The following ZBTB20 variants were observed in gnomAD, a reference collection of about 807,000 sequenced individuals.
The protein encoded by ZBTB20 is zinc finger and BTB domain-containing protein 20.
A neutral mutation model predicts 56.9 loss-of-function variants in ZBTB20; 9 were observed. The ratio of observed to expected loss-of-function variants is 0.16; its 90% CI spans 0.10 to 0.28. The LOEUF (loss-of-function observed/expected upper bound fraction) is 0.28. Among genes scored for constraint, ZBTB20 ranks in the 10% least tolerant of loss-of-function variants. ZBTB20 has a pLI of 1.00. For missense variants in ZBTB20, 655 were observed against 1,003.0 expected, an observed-to-expected ratio of 0.65 and a Z score of 4.69; for synonymous variants, 417 against 420.7, an observed-to-expected ratio of 0.99 and a Z score of 0.11.
intron 11 of ZBTB20, among the ~76,000 whole-genome samples, chr3:114,341,186 A>G (rs2108100325): frequency 6.6e-6 from 1 of 152,214 alleles, no homozygotes; most frequent in East Asian, 1.9e-4. Flanking sequence ...TTAAAACAGG[A>G]AAGGTTAGGG....
intron 7 of ZBTB20, among the ~76,000 whole-genome samples, chr3:114,462,736 A>G (rs2092386426): frequency 6.6e-6 from 1 of 152,228 alleles, no homozygotes; most frequent in Admixed American, 6.5e-5. Flanking sequence ...CAACCAGATT[A>G]GACACAACTA....
At chr3:114,725,808 C>T (rs2065234057) in intron 5 of ZBTB20, among the ~76,000 whole-genome samples, 1 of 152,094 alleles carries the variant, frequency 6.6e-6, no homozygotes, top group Non-Finnish European at 1.5e-5. Context: ...GAAAATAAGG[C>T]ATCAACATGA....
chr3:114,423,823 T>C (rs559985096), intron 7 of ZBTB20, among the ~76,000 whole-genome samples: 1 of 152,294 alleles, frequency 6.6e-6, no homozygotes, highest in African/African-American at 2.4e-5. Context: ...TTCTAGGCTT[T>C]GGCATCTCAT....
At chr3:114,709,954 T>C (rs563204063) in intron 5 of ZBTB20, among the ~76,000 whole-genome samples, 2 of 152,308 alleles carry the variant, frequency 1.3e-5, no homozygotes, top group African/African-American at 4.8e-5. Flanking sequence ...CCTTACTACC[T>C]GTTTAAATCT....
At chr3:114,639,936 T>A (rs1321298876) in intron 6 of ZBTB20, among the ~76,000 whole-genome samples, 1 of 152,090 alleles carries the variant, frequency 6.6e-6, no homozygotes, top group African/African-American at 2.4e-5. Flanking sequence ...ATTATAAAGA[T>A]ATTCTAAGAT....
rs1031870772 is a variant in ZBTB20, at chr3:114,328,291, G to A, written c.*10714C>T. ...CTAATTTTTCCTACAATGTGTTCAA[G>A]TGGATGTGGCTTTTCTTGTTTGAGA... On this transcript the variant is annotated 3_prime_UTR_variant, in exon 12 of 12. Transcript: ENST00000675478. 6.6e-6 allele frequency: 1 copy of A among 151,986 alleles called. No individual in the cohort carries two copies. The highest frequency in any genetic ancestry group is 1.5e-5 in the Non-Finnish European group (1 of 67,996). 9.4% of individuals were successfully genotyped at this position (151,986 alleles called of 1,614,324 possible). A position where few individuals can be genotyped will look rare whatever the true frequency, so the allele number is the denominator to read the frequency against.
At chr3:114,436,629 G>C (rs977930947) in intron 7 of ZBTB20, among the ~76,000 whole-genome samples, 2 of 152,158 alleles carry the variant, frequency 1.3e-5, no homozygotes, top group African/African-American at 4.8e-5. Context: ...GTAATATTGT[G>C]TTATATTTTC....
intron 3 of ZBTB20, among the ~76,000 whole-genome samples, chr3:114,951,514 G>T (rs2077066927): frequency 6.6e-6 from 1 of 152,050 alleles, no homozygotes; most frequent in Non-Finnish European, 1.5e-5. Context: ...GAAATTAACA[G>T]ATAGACCAAT....
chr3:114,825,530 G>A (rs1299523963), intron 4 of ZBTB20, among the ~76,000 whole-genome samples: 1 of 151,876 alleles, frequency 6.6e-6, no homozygotes, highest in Non-Finnish European at 1.5e-5. Flanking sequence ...GGGAGACCAT[G>A]CAGCCTCTTT....
At chr3:115,056,388 T>C (rs2081783164) in intron 2 of ZBTB20, among the ~76,000 whole-genome samples, 1 of 152,094 alleles carries the variant, frequency 6.6e-6, no homozygotes. Context: ...TGGCAATATG[T>C]ATCATAACCT....
chr3:114,929,739 T>C (rs990628461), intron 3 of ZBTB20, among the ~76,000 whole-genome samples: 3 of 152,202 alleles, frequency 2.0e-5, no homozygotes, highest in African/African-American at 7.2e-5. Flanking sequence ...TGTGAAATGT[T>C]TGGAATTGGG....
rs183476768 is a variant in ZBTB20 at position 114,601,634 on chromosome 3, A to C, written c.-295+91894T>G. ...ACAGATAATAGATAAATAGCTAGATAAAACAGAGATGAGTTATGGCCTAAA... is the reference window on the plus strand; with the variant it reads ...ACAGATAATAGATAAATAGCTAGATCAAACAGAGATGAGTTATGGCCTAAA... On this transcript the variant is annotated intron_variant, in intron 6 of 11. Coordinates refer to ENST00000675478, the MANE Select transcript of ZBTB20 (RefSeq NM_001348800.3). 3.9e-5 allele frequency among the ~76,000 whole-genome samples: 6 copies of C among 152,194 alleles called. No individual in the cohort carries two copies. The East Asian group carries it at 1.2e-3, about 29-fold the overall frequency.
intron 1 of ZBTB20, among the ~76,000 whole-genome samples, chr3:115,075,205 T>A (rs2082552697): frequency 6.6e-6 from 1 of 152,144 alleles, no homozygotes; most frequent in South Asian, 2.1e-4. Context: ...ACAGGTACAA[T>A]GCTATACAGA....
intron 7 of ZBTB20, among the ~76,000 whole-genome samples, chr3:114,484,298 AT>A (rs2041868605): frequency 6.6e-6 from 1 of 152,184 alleles, no homozygotes; most frequent in Non-Finnish European, 1.5e-5. Context: ...CACCAACGTA[AT>A]AAAAGCAAGT....
In ZBTB20 at chr3:114,714,112, C is replaced by A. The variant is rs550729122; in HGVS notation, c.-342-20537G>T. 321 of 152,622 alleles carry A rather than the reference C, an allele frequency of 2.1e-3. No homozygotes were observed. Among genetic ancestry groups the A allele is most frequent in the Non-Finnish European group, 3.6e-3 (244 of 67,990 alleles). 9.5% of individuals were successfully genotyped at this position (152,622 alleles called of 1,614,324 possible). A position where few individuals can be genotyped will look rare whatever the true frequency, so the allele number is the denominator to read the frequency against. ...TACTACTATATCCGTCTGCTTTTTG[C>A]AGGAAAGGAAAGCTATCATCCTAGA... On this transcript the variant is annotated intron_variant, in intron 5 of 11. Coordinates refer to ENST00000675478, the MANE Select transcript of ZBTB20 (RefSeq NM_001348800.3).
chr3:114,679,545 A>T (rs953750461), intron 6 of ZBTB20, among the ~76,000 whole-genome samples: 17 of 152,266 alleles, frequency 1.1e-4, no homozygotes, highest in African/African-American at 3.9e-4. Context: ...CCTCATCATC[A>T]CTGGTCAATA....
intron 5 of ZBTB20, among the ~76,000 whole-genome samples, chr3:114,747,927 A>AAAC (rs1459827086): frequency 0.068 from 123 of 1,802 alleles, 37 homozygotes; most frequent in Non-Finnish European, 0.5. Flanking sequence ...AAAAAAAAAA[A>AAAC]AAAAAAAAAA....
At chr3:114,370,982 C>T (rs562551846) in intron 10 of ZBTB20, among the ~76,000 whole-genome samples, 39 of 152,186 alleles carry the variant, frequency 2.6e-4, no homozygotes, top group Non-Finnish European at 5.3e-4. Flanking sequence ...CTCCTATTAC[C>T]GCCCCCTTCA....
intron 3 of ZBTB20, among the ~76,000 whole-genome samples, chr3:114,922,436 GA>G (rs200682311): frequency 4.7e-5 from 7 of 149,972 alleles, no homozygotes; most frequent in African/African-American, 1.2e-4. Flanking sequence ...AGCAAAAAAA[GA>G]AAAAAAAACC....
Sources: allele counts gnomAD v4.1 joint callset (sites outside exome capture counted in the v4.1 genomes callset), GRCh38; gene constraint gnomAD v4.1.1; transcripts MANE v1.5; gene names NCBI Gene and HGNC (gene_info 2026-07-23, HGNC 2026-07-21).